Variants in SATB2 observed in about 807,000 individuals in gnomAD.
The protein encoded by SATB2 is SATB homeobox 2, also known as DNA-binding protein SATB2.
SATB2 carries 1 observed loss-of-function variant against 73.4 expected under a neutral mutation model. The ratio of observed to expected loss-of-function variants is 0.01; its 90% CI spans 0.00 to 0.06. The LOEUF (loss-of-function observed/expected upper bound fraction) is 0.06. Among genes scored for constraint, SATB2 ranks in the 10% least tolerant of loss-of-function variants. The probability of loss-of-function intolerance (pLI) is 1.00; values close to 1 mark genes in which losing one functional copy is unlikely to be tolerated. For synonymous variants in SATB2, 397 were observed against 367.0 expected (o/e 1.08, Z -0.93); for missense variants, 459 against 945.8 (o/e 0.49, Z 6.75).
chr2:199,364,855 T>C (rs1689236871), intron 6 of SATB2, among the ~76,000 whole-genome samples: 1 of 152,100 alleles, frequency 6.6e-6, no homozygotes. Context: ...AAAAGATTCT[T>C]TATTAAGGCG....
intron 3 of SATB2, among the ~76,000 whole-genome samples, chr2:199,388,385 A>T (rs1169724472): frequency 6.6e-6 from 1 of 152,178 alleles, no homozygotes; most frequent in Non-Finnish European, 1.5e-5. Context: ...TTACCCCTGT[A>T]CCTTAAATAT....
intron 5 of SATB2, among the ~76,000 whole-genome samples, chr2:199,378,786 A>G (rs910874239): frequency 3.9e-5 from 6 of 152,144 alleles, no homozygotes; most frequent in African/African-American, 1.4e-4. Flanking sequence ...TGTAATTTCC[A>G]ATCATTTAAT....
intron 2 of SATB2, among the ~76,000 whole-genome samples, chr2:199,435,375 T>C (rs74994276): frequency 1.3e-5 from 2 of 150,918 alleles, no homozygotes; most frequent in East Asian, 1.9e-4. Flanking sequence ...TTTTTTTTTT[T>C]CTCGCTCTTG....
intron 9 of SATB2, among the ~76,000 whole-genome samples, chr2:199,312,366 T>G (rs1052766257): frequency 3.9e-5 from 6 of 152,232 alleles, no homozygotes; most frequent in Admixed American, 2.0e-4. Flanking sequence ...GTTTTAAGTT[T>G]TGACCAAAGG....
At chr2:199,421,543 T>C (rs1337125953) in intron 3 of SATB2, among the ~76,000 whole-genome samples, 1 of 152,168 alleles carries the variant, frequency 6.6e-6, no homozygotes, top group Admixed American at 6.5e-5. Flanking sequence ...GGACAAACTG[T>C]CATCAGTTGT....
At chr2:199,292,333 G>A (rs1348884512) in intron 10 of SATB2, among the ~76,000 whole-genome samples, 1 of 152,198 alleles carries the variant, frequency 6.6e-6, no homozygotes, top group African/African-American at 2.4e-5. Flanking sequence ...GGCTAAGTAG[G>A]TGCCAAGACA....
At chr2:199,276,548 T>G (rs925192987) in intron 10 of SATB2, among the ~76,000 whole-genome samples, 3 of 152,290 alleles carry the variant, frequency 2.0e-5, no homozygotes, top group East Asian at 1.9e-4. Context: ...GGCATAATTT[T>G]TTTGTTAATT....
Position 199,349,085 on chromosome 2 carries a change from G to A in SATB2, c.789C>T (p.Ser263=), listed in dbSNP as rs781251588. 1.9e-6 allele frequency: 3 copies of A among 1,613,890 alleles called. No individual in the cohort carries two copies. The highest frequency in any genetic ancestry group is 1.3e-5 in the African/African-American group (1 of 74,886). ...GAGACTGTTCGTTGGTTTTCCCCAG[G>A]GATGCCAGCTGGTTCATATTTGGTA... The part of the protein sequence containing the change: ...MHLPNMNQLA[S]LGKTNEQSPH... Residue 263 remains serine (S), a synonymous_variant, in exon 7 of 11, where the codon TCC becomes TCT. Coordinates refer to ENST00000417098, the MANE Select transcript of SATB2 (RefSeq NM_001172509.2).
chr2:199,305,006 G>T (rs1355785024), intron 10 of SATB2, among the ~76,000 whole-genome samples: 1 of 152,010 alleles, frequency 6.6e-6, no homozygotes, highest in Admixed American at 6.5e-5. Flanking sequence ...AAATTTTGTT[G>T]GGATTATAAA....
intron 3 of SATB2, among the ~76,000 whole-genome samples, chr2:199,395,126 G>A (rs1335925422): frequency 6.6e-6 from 1 of 151,580 alleles, no homozygotes; most frequent in Non-Finnish European, 1.5e-5. Context: ...CTGTCGCCAT[G>A]TCTAATTTTC....
At chr2:199,381,189 G>A (rs1011374161) in intron 4 of SATB2, among the ~76,000 whole-genome samples, 10 of 48,310 alleles carry the variant, frequency 2.1e-4, no homozygotes, top group Admixed American at 4.9e-4. Flanking sequence ...GCCACAAAGT[G>A]TGTTTTTGTT....
intron 10 of SATB2, among the ~76,000 whole-genome samples, chr2:199,281,732 A>C (rs549189461): frequency 6.6e-6 from 1 of 152,272 alleles, no homozygotes; most frequent in South Asian, 2.1e-4. Context: ...GGAGAACTTT[A>C]ATGATTAATA....
At chr2:199,414,251 A>G (rs1304986709) in intron 3 of SATB2, among the ~76,000 whole-genome samples, 3 of 152,026 alleles carry the variant, frequency 2.0e-5, no homozygotes, top group Non-Finnish European at 2.9e-5. Context: ...CACCTCCCTC[A>G]TCCATCTAAA....
chr2:199,450,426 T>C (rs992907907), intron 2 of SATB2, among the ~76,000 whole-genome samples: 1 of 152,130 alleles, frequency 6.6e-6, no homozygotes, highest in African/African-American at 2.4e-5. Flanking sequence ...CATATATTAG[T>C]TATATAGGTT....
chr2:199,361,354 C>G (rs1689131763), intron 6 of SATB2, among the ~76,000 whole-genome samples: 1 of 152,058 alleles, frequency 6.6e-6, no homozygotes, highest in Admixed American at 6.6e-5. Flanking sequence ...TCTCATGGCT[C>G]TCCTCTGCTT....
At chr2:199,374,487 G>A (rs974717492) in intron 5 of SATB2, among the ~76,000 whole-genome samples, 21 of 152,256 alleles carry the variant, frequency 1.4e-4, no homozygotes, top group Non-Finnish European at 2.8e-4. Flanking sequence ...AGACAGGGGT[G>A]ATGGTTGCAC....
intron 2 of SATB2, among the ~76,000 whole-genome samples, chr2:199,434,917 A>AATT (rs1043164306): frequency 6.6e-6 from 1 of 152,276 alleles, no homozygotes; most frequent in East Asian, 1.9e-4. Context: ...CCCATGTGCT[A>AATT]ATTATTATTA....
At chr2:199,325,538 T>C (rs1438530574) in intron 8 of SATB2, 1 of 152,232 alleles carries the variant, frequency 6.6e-6, no homozygotes, top group African/African-American at 2.4e-5. Context: ...TTTTTTAAAA[T>C]AAACTATTTG....
intron 9 of SATB2, among the ~76,000 whole-genome samples, chr2:199,311,464 G>A (rs1193560279): frequency 6.6e-6 from 1 of 152,076 alleles, no homozygotes; most frequent in Non-Finnish European, 1.5e-5. Context: ...GCTTATGAAT[G>A]TATCAGCTGG....
Sources: gnomAD v4.1 joint callset for allele counts (sites outside exome capture counted in the v4.1 genomes callset) on GRCh38, gnomAD v4.1.1 for gene constraint, MANE v1.5 for transcripts, NCBI Gene and HGNC (gene_info 2026-07-23, HGNC 2026-07-21) for gene names.